SLC35F3: variants seen among roughly 807,000 people sequenced by gnomAD.
SLC35F3 encodes the protein solute carrier family 35 member F3.
A neutral mutation model predicts 49.9 loss-of-function variants in SLC35F3; 25 were observed. The observed-to-expected ratio is 0.50, with a 90% confidence interval of 0.37 to 0.70. SLC35F3 has a LOEUF of 0.70. Ranked by LOEUF, SLC35F3 falls within the 30% of genes least tolerant of loss-of-function variation. The probability of loss-of-function intolerance (pLI) is 0.00; values close to 1 mark genes in which losing one functional copy is unlikely to be tolerated. For synonymous variants in SLC35F3, 275 were observed against 265.4 expected (o/e 1.04, Z -0.35); for missense variants, 525 against 639.8 (o/e 0.82, Z 1.94).
chr1:234,111,945 A>AGAAT (rs1038418311), intron 2 of SLC35F3, among the ~76,000 whole-genome samples: 1 of 152,204 alleles, frequency 6.6e-6, no homozygotes, highest in Non-Finnish European at 1.5e-5. Flanking sequence ...CAAGCGCCTG[A>AGAAT]GAATAGCTCA....
chr1:233,932,629 C>T (rs138678214), intron 2 of SLC35F3, among the ~76,000 whole-genome samples: 5 of 152,216 alleles, frequency 3.3e-5, no homozygotes, highest in Admixed American at 6.5e-5. Flanking sequence ...CTATGTTATA[C>T]CACAATTTAA....
At chr1:234,274,129 C>T (rs1558094219) in intron 3 of SLC35F3, 2 of 152,196 alleles carry the variant, frequency 1.3e-5, no homozygotes, top group African/African-American at 2.4e-5. Flanking sequence ...GAAATGTGAA[C>T]GTTGGTTCTA....
intron 3 of SLC35F3, among the ~76,000 whole-genome samples, chr1:234,306,295 G>A (rs1045213561): frequency 6.6e-6 from 1 of 152,044 alleles, no homozygotes; most frequent in African/African-American, 2.4e-5. Context: ...CGAGTAGCTG[G>A]GATTACCGGT....
intron 2 of SLC35F3, among the ~76,000 whole-genome samples, chr1:234,168,139 T>G (rs1196413634): frequency 6.6e-6 from 1 of 152,176 alleles, no homozygotes; most frequent in Non-Finnish European, 1.5e-5. Context: ...ACCTCTAAAG[T>G]GGCAAGCTGT....
chr1:233,947,279 TAGGGCATATGTCCATACTCCCAC>T lies in SLC35F3; in HGVS notation c.283+41543_283+41565del, dbSNP rs1259803101. Among the ~76,000 whole-genome samples, 4 of 152,118 alleles carry T rather than the reference TAGGGCATATGTCCATACTCCCAC, an allele frequency of 2.6e-5. No homozygotes were observed. In the South Asian group the frequency reaches 6.2e-4, roughly 24 times the overall value. The stretch of plus-strand genomic sequence containing the variant: ...TATAATCCTAAAAATCTATGCCACA[TAGGGCATATGTCCATACTCCCAC>T]AGGGCATATGTCCATACTCCCTGAA... On this transcript the variant is annotated intron_variant, in intron 2 of 7. Transcript: ENST00000366618.
intron 2 of SLC35F3, among the ~76,000 whole-genome samples, chr1:234,007,100 A>T (rs911609523): frequency 1.3e-5 from 2 of 152,178 alleles, no homozygotes; most frequent in African/African-American, 4.8e-5. Flanking sequence ...CTTAATATTA[A>T]TAAATAACAG....
intron 3 of SLC35F3, among the ~76,000 whole-genome samples, chr1:234,304,583 T>C (rs1485877107): frequency 6.6e-6 from 1 of 152,218 alleles, no homozygotes. Flanking sequence ...ATATAAATCC[T>C]TCCTGTCCTT....
At chr1:234,077,281 G>A (rs1359557804) in intron 2 of SLC35F3, among the ~76,000 whole-genome samples, 1 of 152,148 alleles carries the variant, frequency 6.6e-6, no homozygotes, top group African/African-American at 2.4e-5. Context: ...TGGGATTACA[G>A]GCGTGAGCCA....
chr1:233,965,830 A>T (rs1662897510), intron 2 of SLC35F3, among the ~76,000 whole-genome samples: 1 of 152,264 alleles, frequency 6.6e-6, no homozygotes, highest in Admixed American at 6.5e-5. Context: ...GCGTGCTGTC[A>T]TAAACCTCTA....
chr1:234,054,010 T>C (rs1328008709), intron 2 of SLC35F3, among the ~76,000 whole-genome samples: 2 of 152,214 alleles, frequency 1.3e-5, no homozygotes, highest in Admixed American at 1.3e-4. Flanking sequence ...CTGAGAGATT[T>C]GCTGTTAGTC....
intron 2 of SLC35F3, among the ~76,000 whole-genome samples, chr1:234,088,799 T>C (rs895741593): frequency 1.7e-4 from 26 of 152,138 alleles, no homozygotes; most frequent in Admixed American, 9.8e-4. Flanking sequence ...TCTCTCTCTG[T>C]CATCCAGACT....
intron 3 of SLC35F3, among the ~76,000 whole-genome samples, chr1:234,267,522 T>G (rs1380359578): frequency 7.8e-6 from 1 of 128,840 alleles, no homozygotes; most frequent in African/African-American, 3.2e-5. Flanking sequence ...CCCCCCCACC[T>G]CCCTCCCGGA....
In SLC35F3 at chr1:234,064,447, C is replaced by A. The variant is rs535609944; in HGVS notation, c.283+158689C>A. Among the ~76,000 whole-genome samples the A allele has an allele frequency of 5.3e-5, 8 of 152,174 alleles. No individual in the cohort carries two copies. In the East Asian group the frequency reaches 1.5e-3, roughly 29 times the overall value. ...ACCTTTTACCATTCTTTTTAGGATT[C>A]AGTGGAGTCACCAGAATTCCACTCC... On this transcript the variant is annotated intron_variant, in intron 2 of 7. Transcript: ENST00000366618.
At position 233,925,164 on chromosome 1, in the gene SLC35F3, C is replaced by A. The variant is rs185403073; in HGVS notation, c.283+19406C>A. 1.5e-3 allele frequency among the ~76,000 whole-genome samples: 229 copies of A among 152,250 alleles called. 1 individual carries two copies. The highest frequency in any genetic ancestry group is 5.4e-3 in the African/African-American group (223 of 41,548). ...TCTATTAGGTCCTCTTGGTGCAGAG[C>A]TGAGTTCAAGTCCTGGATATCCTTG... On this transcript the variant is annotated intron_variant, in intron 2 of 7. Transcript: ENST00000366618.
rs980853182 is a variant in SLC35F3 at position 234,214,278 on chromosome 1, C to G, written c.284-17139C>G. The G allele has an allele frequency of 5.4e-5, 69 of 1,271,760 alleles. No homozygotes were observed. The highest frequency in any genetic ancestry group is 6.7e-5 in the Non-Finnish European group (68 of 1,012,508). 78.8% of individuals were successfully genotyped at this position (1,271,760 alleles called of 1,614,324 possible). On this transcript the variant is annotated intron_variant, in intron 2 of 7. Coordinates refer to ENST00000366618, the MANE Select transcript of SLC35F3 (RefSeq NM_173508.4). This position sits in a 1 kb window ranked among gnomAD's most constrained non-coding sequence, Gnocchi z 8.0. ...CGCGCGTGTGTGTGGAGTGGCTGCG[C>G]GGCCGGGGAGGATGTGCGCTGCAGG...
chr1:234,130,379 GCC>G (rs1254955700), intron 2 of SLC35F3, among the ~76,000 whole-genome samples: 2 of 151,730 alleles, frequency 1.3e-5, no homozygotes, highest in Non-Finnish European at 2.9e-5. Context: ...AGTGGCTCAT[GCC>G]TGTAATCCCA....
At chr1:234,196,145 G>A (rs1006261746) in intron 2 of SLC35F3, among the ~76,000 whole-genome samples, 11 of 152,112 alleles carry the variant, frequency 7.2e-5, no homozygotes, top group Non-Finnish European at 1.0e-4. Flanking sequence ...CCTAGGACAC[G>A]CCCACCAGTG....
chr1:234,267,799 G>A (rs1668017802), intron 3 of SLC35F3, among the ~76,000 whole-genome samples: 2 of 143,844 alleles, frequency 1.4e-5, no homozygotes, highest in Admixed American at 6.7e-5. Flanking sequence ...GGGCAGAGAC[G>A]CTCCTCACCT....
At chr1:234,261,399 C>CTGA (rs1197979875) in intron 3 of SLC35F3, among the ~76,000 whole-genome samples, 2 of 152,290 alleles carry the variant, frequency 1.3e-5, no homozygotes, top group Non-Finnish European at 2.9e-5. Flanking sequence ...GGATCTATAA[C>CTGA]TGATATAGTT....
Sources: gnomAD v4.1 joint callset for allele counts (sites outside exome capture counted in the v4.1 genomes callset) on GRCh38, gnomAD v4.1.1 for gene constraint, Gnocchi (gnomAD v3.1) non-coding constraint, MANE v1.5 for transcripts, NCBI Gene and HGNC (gene_info 2026-07-23, HGNC 2026-07-21) for gene names.